The following UGGT2 variants were observed in gnomAD, a reference collection of about 807,000 sequenced individuals.
UGGT2 encodes UDP-glucose:glycoprotein glucosyltransferase 2.
In UGGT2, 180 loss-of-function variants were observed where a neutral mutation model predicts 192.1. The ratio of observed to expected loss-of-function variants is 0.94; its 90% confidence interval spans 0.83 to 1.06. The LOEUF is 1.06. Ranked by LOEUF, UGGT2 falls within the 50% of genes least tolerant of loss-of-function variation. The pLI, the probability that UGGT2 is intolerant of heterozygous loss-of-function variation, is 0.00. For missense variants in UGGT2, 1,849 were observed against 1,795.7 expected (o/e 1.03, Z -0.54); for synonymous variants, 580 against 591.0 (o/e 0.98, Z 0.27).
intron 30 of UGGT2, among the ~76,000 whole-genome samples, chr13:95,866,126 C>T (rs544970191): frequency 6.6e-6 from 1 of 152,134 alleles, no homozygotes; most frequent in South Asian, 2.1e-4. Flanking sequence ...CCTATCTCCC[C>T]CAACTTGCTA....
At chr13:95,851,441 G>A (rs1437928576) in intron 36 of UGGT2, among the ~76,000 whole-genome samples, 1 of 152,150 alleles carries the variant, frequency 6.6e-6, no homozygotes, top group African/African-American at 2.4e-5. Flanking sequence ...AGTGGGTCAA[G>A]GCAGAGATGT....
At chr13:95,959,404 C>T (rs564068066) in intron 12 of UGGT2, among the ~76,000 whole-genome samples, 2 of 152,244 alleles carry the variant, frequency 1.3e-5, no homozygotes, top group Admixed American at 6.5e-5. Context: ...CACCTATGGC[C>T]GGTGGATCAT....
At chr13:95,822,838 G>A (rs1248857283) in intron 38 of UGGT2, among the ~76,000 whole-genome samples, 2 of 151,780 alleles carry the variant, frequency 1.3e-5, no homozygotes, top group Non-Finnish European at 2.9e-5. Context: ...TTCTTTCAAT[G>A]GCTTTGGGTT....
intron 1 of UGGT2, among the ~76,000 whole-genome samples, chr13:96,032,382 T>C (rs2139161507): frequency 6.6e-6 from 1 of 152,216 alleles, no homozygotes; most frequent in African/African-American, 2.4e-5. Context: ...AAAAACTGGT[T>C]CTATAAATAT....
intron 1 of UGGT2, among the ~76,000 whole-genome samples, chr13:96,045,333 C>T (rs549533696): frequency 1.3e-5 from 2 of 152,186 alleles, no homozygotes; most frequent in East Asian, 1.9e-4. Flanking sequence ...AAGGGACATA[C>T]CTCAATGTAA....
At chr13:95,920,361 TAAAC>T (rs1275039194) in intron 20 of UGGT2, among the ~76,000 whole-genome samples, 1 of 152,108 alleles carries the variant, frequency 6.6e-6, no homozygotes, top group Admixed American at 6.5e-5. Flanking sequence ...TATTAATAAT[TAAAC>T]TAAAGAGCTT....
chr13:95,957,891 C>G (rs1213729219), intron 12 of UGGT2, among the ~76,000 whole-genome samples: 1 of 152,104 alleles, frequency 6.6e-6, no homozygotes, highest in African/African-American at 2.4e-5. Context: ...ATTCCTTTTT[C>G]TGACATAACA....
chr13:95,988,644 T>A (rs2051364639), intron 8 of UGGT2, among the ~76,000 whole-genome samples: 1 of 152,204 alleles, frequency 6.6e-6, no homozygotes, highest in Admixed American at 6.6e-5. Context: ...TATATTGATT[T>A]TCTAATGATA....
chr13:95,962,065 C>T (rs537156767), intron 12 of UGGT2, among the ~76,000 whole-genome samples: 11 of 152,050 alleles, frequency 7.2e-5, no homozygotes, highest in African/African-American at 2.6e-4. Context: ...CATACTAAAA[C>T]CTGTGGGATA....
intron 12 of UGGT2, among the ~76,000 whole-genome samples, chr13:95,957,572 C>T (rs956306883): frequency 6.6e-6 from 1 of 152,190 alleles, no homozygotes. Flanking sequence ...ATCTGAGAGA[C>T]AACTCAGGGA....
At chr13:95,957,940 AG>A (rs2050261300) in intron 12 of UGGT2, among the ~76,000 whole-genome samples, 1 of 152,238 alleles carries the variant, frequency 6.6e-6, no homozygotes, top group Non-Finnish European at 1.5e-5. Context: ...TTAAAGACAA[AG>A]TAAAAGTAAA....
At chr13:95,863,590 T>C in intron 31 of UGGT2, 39 bp downstream of exon 31, 2 of 1,504,582 alleles carry the variant, frequency 1.3e-6, no homozygotes, top group Non-Finnish European at 1.8e-6. Flanking sequence ...GACTTCTGGA[T>C]CAATCTAGTG....
At chr13:95,990,217 G>T (rs2140897003) in intron 7 of UGGT2, 144 bp from the exon 8 acceptor site, 1 of 463,812 alleles carries the variant, frequency 2.2e-6, no homozygotes, top group East Asian at 3.5e-5. Context: ...TTGTGATACA[G>T]CTATATTCAC....
intron 6 of UGGT2, among the ~76,000 whole-genome samples, chr13:95,997,281 A>G (rs2051653528): frequency 6.6e-6 from 1 of 152,320 alleles, no homozygotes; most frequent in Middle Eastern, 3.4e-3. Flanking sequence ...AAGATATGGG[A>G]TATAGAAAAG....
chr13:95,863,704 T>C lies in UGGT2; in HGVS notation c.3569A>G (p.Glu1190Gly). Reference protein sequence around the residue: ...SKILKVKVKKETDKIKEDILT... With the variant: ...SKILKVKVKKGTDKIKEDILT... ...GATATCTTCCTTAATTTTGTCTGTTTCTTTTTTCACCTAGATAGCATGGCA... is the reference window on the plus strand; with the variant it reads ...GATATCTTCCTTAATTTTGTCTGTTCCTTTTTTCACCTAGATAGCATGGCA... Residue 1190 changes from glutamate to glycine, a missense_variant, in exon 31 of 39, where the codon GAA becomes GGA. Coordinates refer to ENST00000376747, the MANE Select transcript of UGGT2 (RefSeq NM_020121.4). 5 of 1,612,496 alleles carry C rather than the reference T, an allele frequency of 3.1e-6. No individual in the cohort carries two copies. Among genetic ancestry groups the C allele is most frequent in the Non-Finnish European group, 4.2e-6 (5 of 1,178,906 alleles).
chr13:95,957,101 T>G (rs1256942469), intron 12 of UGGT2, among the ~76,000 whole-genome samples: 1 of 152,242 alleles, frequency 6.6e-6, no homozygotes, highest in East Asian at 1.9e-4. Flanking sequence ...TAATTCCACT[T>G]ATATGAAATA....
intron 20 of UGGT2, among the ~76,000 whole-genome samples, chr13:95,913,801 G>A (rs1479801131): frequency 6.6e-6 from 1 of 152,078 alleles, no homozygotes; most frequent in Non-Finnish European, 1.5e-5. Context: ...GTTTATTGTG[G>A]CACTATTGAC....
intron 1 of UGGT2, among the ~76,000 whole-genome samples, chr13:96,052,910 G>A (rs556230181): frequency 2.1e-4 from 32 of 152,344 alleles, no homozygotes; most frequent in Non-Finnish European, 4.4e-4. Flanking sequence ...AAGCAGGGCA[G>A]GGAAGCTTTA....
chr13:95,803,009 T>G (rs1884135104), intron 38 of UGGT2, among the ~76,000 whole-genome samples: 1 of 150,960 alleles, frequency 6.6e-6, no homozygotes, highest in Non-Finnish European at 1.5e-5. Context: ...AATTTTTTTG[T>G]ATTTTTAGTA....
Sources: allele counts gnomAD v4.1 joint callset (sites outside exome capture counted in the v4.1 genomes callset), GRCh38; gene constraint gnomAD v4.1.1; transcripts MANE v1.5; gene names NCBI Gene and HGNC (gene_info 2026-07-23, HGNC 2026-07-21).